GPR39: variants seen among roughly 807,000 people sequenced by gnomAD.
The protein encoded by GPR39 is G protein-coupled receptor 39.
A neutral mutation model predicts 18.4 loss-of-function variants in GPR39; 23 were observed. The observed-to-expected ratio is 1.25, with a 90% CI of 0.90 to 1.77. GPR39 has a LOEUF of 1.77. GPR39 is among the 40% of genes most tolerant of loss of function. The probability of loss-of-function intolerance (pLI) is 0.00; values close to 1 mark genes in which losing one functional copy is unlikely to be tolerated. For synonymous variants in GPR39, 280 were observed against 257.9 expected (o/e 1.09, Z -0.82); for missense variants, 647 against 602.4 (o/e 1.07, Z -0.78).
At chr2:132,583,161 C>G (rs1466927889) in intron 1 of GPR39, among the ~76,000 whole-genome samples, 1 of 152,066 alleles carries the variant, frequency 6.6e-6, no homozygotes, top group Non-Finnish European at 1.5e-5. Flanking sequence ...GATCCTCCTT[C>G]CTCAGCCTTC....
At chr2:132,641,656 ATAAT>A (rs1681858713) in intron 1 of GPR39, among the ~76,000 whole-genome samples, 1 of 152,222 alleles carries the variant, frequency 6.6e-6, no homozygotes, top group Non-Finnish European at 1.5e-5. Context: ...TACATGTGAA[ATAAT>A]TATTTTGGGA....
At chr2:132,431,071 G>T (rs888125944) in intron 1 of GPR39, among the ~76,000 whole-genome samples, 24 of 152,116 alleles carry the variant, frequency 1.6e-4, no homozygotes, top group Admixed American at 1.2e-3. Context: ...GAAGCTGGTT[G>T]GTGCCAAATC....
intron 1 of GPR39, among the ~76,000 whole-genome samples, chr2:132,614,619 C>T (rs570593126): frequency 7.9e-5 from 12 of 151,856 alleles, no homozygotes; most frequent in Admixed American, 4.6e-4. Context: ...GGTGCTGTCT[C>T]GGCTCACTGC....
At chr2:132,506,849 A>G (rs1340281500) in intron 1 of GPR39, among the ~76,000 whole-genome samples, 2 of 147,164 alleles carry the variant, frequency 1.4e-5, no homozygotes, top group African/African-American at 5.0e-5. Context: ...GCCCAGACCA[A>G]TGTCCTAAAG....
intron 1 of GPR39, among the ~76,000 whole-genome samples, chr2:132,531,288 C>G (rs4449191): frequency 0.63 from 95,637 of 151,594 alleles, 31,367 homozygotes; most frequent in East Asian, 0.9. Context: ...GGGATCAATT[C>G]AACAAGAAGA....
intron 1 of GPR39, among the ~76,000 whole-genome samples, chr2:132,589,539 T>C (rs919433433): frequency 6.6e-6 from 1 of 152,192 alleles, no homozygotes; most frequent in African/African-American, 2.4e-5. Flanking sequence ...TCAGATGTCT[T>C]AGGCAGAGCC....
intron 1 of GPR39, among the ~76,000 whole-genome samples, chr2:132,527,439 C>A (rs532826399): frequency 1.3e-5 from 2 of 152,178 alleles, no homozygotes; most frequent in Non-Finnish European, 2.9e-5. Context: ...GATTTACGTT[C>A]GTTTGGGTAT....
intron 1 of GPR39, among the ~76,000 whole-genome samples, chr2:132,486,715 G>C (rs1177411998): frequency 6.6e-6 from 1 of 152,202 alleles, no homozygotes; most frequent in African/African-American, 2.4e-5. Flanking sequence ...TCTGGATTAG[G>C]CTTTGGGTTA....
chr2:132,458,012 G>A (rs1319457690), intron 1 of GPR39, among the ~76,000 whole-genome samples: 3 of 152,238 alleles, frequency 2.0e-5, no homozygotes, highest in Admixed American at 1.3e-4. Flanking sequence ...GGGTGGAAGT[G>A]TCCTGTTTTT....
At chr2:132,476,749 G>A (rs539417574) in intron 1 of GPR39, among the ~76,000 whole-genome samples, 3 of 151,890 alleles carry the variant, frequency 2.0e-5, no homozygotes, top group East Asian at 3.9e-4. Flanking sequence ...AGCATATGAT[G>A]CTTTATCAAG....
intron 1 of GPR39, chr2:132,488,771 G>A: frequency 6.3e-6 from 1 of 159,954 alleles, no homozygotes; most frequent in East Asian, 1.5e-4. Flanking sequence ...GAGAGCTCCT[G>A]TGGAACCGTG....
intron 1 of GPR39, among the ~76,000 whole-genome samples, chr2:132,586,840 A>T (rs1159891139): frequency 1.3e-5 from 2 of 152,184 alleles, no homozygotes; most frequent in Non-Finnish European, 2.9e-5. Context: ...CCTGGTTTCA[A>T]ATGACTCTCA....
At chr2:132,504,251 A>G (rs1679097539) in intron 1 of GPR39, among the ~76,000 whole-genome samples, 1 of 152,212 alleles carries the variant, frequency 6.6e-6, no homozygotes, top group East Asian at 1.9e-4. Context: ...TTCTTTAGCA[A>G]TTGAAAGTCT....
In GPR39 at chr2:132,564,810, CTTT is replaced by C. The variant is rs948881403; in HGVS notation, c.857-80272_857-80270del. Among the ~76,000 whole-genome samples the C allele has an allele frequency of 9.7e-3, 921 of 95,428 alleles. 2 individuals are homozygous for C. Among genetic ancestry groups the C allele is most frequent in the African/African-American group, 0.031 (785 of 25,584 alleles). The allele number at this position is 95,428 out of a possible 152,430, so 62.6% of individuals were successfully genotyped here. On this transcript the variant is annotated intron_variant, in intron 1 of 1. Transcript: ENST00000329321. The stretch of plus-strand genomic sequence containing the variant: ...TTTAATAACTATTTTTTTCTTTTTT[CTTT>C]TTTTTTTTTTTTTTTTTTGTTGAGA...
intron 1 of GPR39, among the ~76,000 whole-genome samples, chr2:132,563,990 G>A (rs3109146): frequency 0.33 from 50,839 of 152,090 alleles, 9,885 homozygotes; most frequent in African/African-American, 0.55. Context: ...TGGTTCAAAC[G>A]TACAGCAAAG....
At chr2:132,475,579 C>G (rs1681110661) in intron 1 of GPR39, among the ~76,000 whole-genome samples, 1 of 151,992 alleles carries the variant, frequency 6.6e-6, no homozygotes, top group Non-Finnish European at 1.5e-5. Flanking sequence ...CACGAATACC[C>G]CCACACCAGG....
chr2:132,536,355 A>G (rs991736049), intron 1 of GPR39, among the ~76,000 whole-genome samples: 3 of 152,162 alleles, frequency 2.0e-5, no homozygotes, highest in Non-Finnish European at 4.4e-5. Flanking sequence ...CAGGTTGTTC[A>G]ATTTCCATGT....
At position 132,646,004 on chromosome 2, in the gene GPR39, CTGGAAGAACAATGCAGGAGGGGGT is replaced by C; in HGVS notation, c.*399_*422del. On this transcript the variant is annotated 3_prime_UTR_variant, in exon 2 of 2. Coordinates refer to ENST00000329321, the MANE Select transcript of GPR39 (RefSeq NM_001508.3). ...GGAGGTGGGGGGTTGGGGGCGAGGG[CTGGAAGAACAATGCAGGAGGGGGT>C]GGCATCTCCTTCAGCTTCAGCAGTG... The C allele has an allele frequency of 6.9e-7, 1 of 1,446,340 alleles. No homozygotes were observed. The highest frequency in any genetic ancestry group is 2.4e-5 in the Admixed American group (1 of 42,518). The allele number at this position is 1,446,340 out of a possible 1,614,324, so 89.6% of individuals were successfully genotyped here.
chr2:132,451,289 C>T (rs749341544), intron 1 of GPR39, among the ~76,000 whole-genome samples: 3 of 152,102 alleles, frequency 2.0e-5, no homozygotes, highest in Non-Finnish European at 2.9e-5. Context: ...TTCCACTCTG[C>T]TTTATTGTTC....
Sources: allele counts gnomAD v4.1 joint callset (sites outside exome capture counted in the v4.1 genomes callset), GRCh38; gene constraint gnomAD v4.1.1; transcripts MANE v1.5; gene names NCBI Gene and HGNC (gene_info 2026-07-23, HGNC 2026-07-21).